POMGNT2: variants seen among roughly 807,000 people sequenced by gnomAD.
POMGNT2 encodes protein O-linked-mannose beta-1,4-N-acetylglucosaminyltransferase 2.
In POMGNT2, 32 loss-of-function variants were observed where a neutral mutation model predicts 37.8. The ratio of observed to expected loss-of-function variants is 0.85; its 90% CI spans 0.64 to 1.14. The LOEUF (loss-of-function observed/expected upper bound fraction) is 1.14, where lower values mean the gene tolerates loss of function less well. Among genes scored for constraint, POMGNT2 ranks in the 50% most tolerant of loss-of-function variants. The probability of loss-of-function intolerance (pLI) is 0.00; values close to 1 mark genes in which losing one functional copy is unlikely to be tolerated. For synonymous variants in POMGNT2, 340 were observed against 336.8 expected, an observed-to-expected ratio of 1.01 and a Z score of -0.10; for missense variants, 705 against 780.6, an observed-to-expected ratio of 0.90 and a Z score of 1.15.
intron 1 of POMGNT2, among the ~76,000 whole-genome samples, chr3:43,093,613 T>C (rs1324871586): frequency 1.3e-5 from 2 of 152,174 alleles, no homozygotes; most frequent in Non-Finnish European, 1.5e-5. Context: ...TGGGGATTTC[T>C]ACCAACTTTA....
chr3:43,091,240 A>G (rs2125707235), intron 1 of POMGNT2, among the ~76,000 whole-genome samples: 1 of 150,708 alleles, frequency 6.6e-6, no homozygotes, highest in South Asian at 2.1e-4. Context: ...AGCTTGGAAC[A>G]TTTTGTAGTG....
rs2089848677 is a variant in POMGNT2, at chr3:43,080,991, C to A, written c.441G>T (p.Val147=). The A allele has an allele frequency of 6.2e-7, 1 of 1,614,224 alleles. No homozygotes were observed. The highest frequency in any genetic ancestry group is 1.7e-5 in the Admixed American group (1 of 60,032). Residue 147 remains valine, a synonymous_variant, in exon 2 of 2, where the codon GTG becomes GTT. Transcript: ENST00000344697. Reference sequence around the variant, plus strand: ...CGATGAGGGCCACGTCTGGCACGAACACCGGCTTGGGCATGAAGCGCAGGG... The same window carrying A: ...CGATGAGGGCCACGTCTGGCACGAAAACCGGCTTGGGCATGAAGCGCAGGG... ...AAALRFMPKP[V]FVPDVALIAN...
At chr3:43,100,329 G>A (rs2090009089) in intron 1 of POMGNT2, among the ~76,000 whole-genome samples, 1 of 152,136 alleles carries the variant, frequency 6.6e-6, no homozygotes, top group Non-Finnish European at 1.5e-5. Flanking sequence ...ATTGTATTAG[G>A]TATTATAAAG....
At chr3:43,095,661 G>A (rs1160112326) in intron 1 of POMGNT2, among the ~76,000 whole-genome samples, 1 of 152,196 alleles carries the variant, frequency 6.6e-6, no homozygotes, top group African/African-American at 2.4e-5. Flanking sequence ...ACCGGAGGTT[G>A]AGGAGGTTGA....
At chr3:43,081,831 T>A (rs1329783588) in intron 1 of POMGNT2, among the ~76,000 whole-genome samples, 1 of 152,246 alleles carries the variant, frequency 6.6e-6, no homozygotes, top group East Asian at 1.9e-4. Flanking sequence ...ATCAAAGGTT[T>A]GGAAAGTGTT....
intron 1 of POMGNT2, among the ~76,000 whole-genome samples, chr3:43,091,181 C>T (rs1430157929): frequency 6.6e-6 from 1 of 151,954 alleles, no homozygotes; most frequent in Non-Finnish European, 1.5e-5. Context: ...ACCAGAGCTC[C>T]TTGGAGAAAT....
At chr3:43,093,295 G>T (rs1253435031) in intron 1 of POMGNT2, among the ~76,000 whole-genome samples, 3 of 152,230 alleles carry the variant, frequency 2.0e-5, no homozygotes, top group Non-Finnish European at 4.4e-5. Context: ...TGGCAACTAA[G>T]CAGAGACCAG....
At chr3:43,081,915 G>A (rs74786129) in intron 1 of POMGNT2, among the ~76,000 whole-genome samples, 2,698 of 152,308 alleles carry the variant, frequency 0.018, 71 homozygotes, top group African/African-American at 0.06. Flanking sequence ...GCCCCAAGAG[G>A]AGCGAGATAC....
chr3:43,080,674 G>A lies in POMGNT2; in HGVS notation c.758C>T (p.Pro253Leu), dbSNP rs374042455. The change falls in exon 2 of 2, where the codon CCG (proline) becomes CTG (leucine). Residue 253 changes from proline (P) to leucine (L), a missense_variant. Coordinates refer to ENST00000344697, the MANE Select transcript of POMGNT2 (RefSeq NM_032806.6). ...YQYGFVQPQG[P>L]KANILVSGNE... ...GCCTGAGACGAGGATGTTGGCCTTC[G>A]GGCCCTGGGGCTGCACAAAGCCATA... The A allele has an allele frequency of 1.2e-5, 20 of 1,614,176 alleles. No individual in the cohort carries two copies. The East Asian group carries it at 2.0e-4, about 16-fold the overall frequency.
At chr3:43,097,196 G>A (rs1318975816) in intron 1 of POMGNT2, among the ~76,000 whole-genome samples, 1 of 152,200 alleles carries the variant, frequency 6.6e-6, no homozygotes, top group African/African-American at 2.4e-5. Flanking sequence ...CAGAGTAGGA[G>A]GTGCACACTC....
rs748074599 is a variant in POMGNT2, at chr3:43,081,075, T to C, written c.357A>G (p.Leu119=). 25 of 1,613,996 alleles carry C rather than the reference T, an allele frequency of 1.5e-5. No homozygotes were observed. Among genetic ancestry groups the C allele is most frequent in the South Asian group, 1.5e-4 (14 of 91,084 alleles). Reference sequence around the variant, plus strand: ...GAGTGTTGTGGTCCTCCACGGTGGATAGGTCGAGCAGGGCTGGCTGGAAGC... The same window carrying C: ...GAGTGTTGTGGTCCTCCACGGTGGACAGGTCGAGCAGGGCTGGCTGGAAGC... The part of the protein sequence containing the change: ...SRRFQPALLD[L]STVEDHNTQY... Residue 119 remains leucine (L), a synonymous_variant, in exon 2 of 2, where the codon CTA becomes CTG. Transcript: ENST00000344697.
At position 43,080,380 on chromosome 3, in the gene POMGNT2, G is replaced by C; in HGVS notation, c.1052C>G (p.Thr351Ser). The change falls in exon 2 of 2, where the codon ACC becomes AGC. Residue 351 changes from threonine (T) to serine (S), a missense_variant. Transcript: ENST00000344697. ...TGCCCCACGGGGCAGGAAGAGGGTG[G>C]TGACCAGCTGGGCCCCATGCATGCT... ...LVSMHGAQLV[T>S]TLFLPRGATV... is the part of the protein sequence containing the mutation. 6.2e-7 allele frequency: 1 copy of C among 1,614,162 alleles called. No individual in the cohort carries two copies. The highest frequency in any genetic ancestry group is 8.5e-7 in the Non-Finnish European group (1 of 1,180,028).
chr3:43,088,272 C>A (rs1277288582), intron 1 of POMGNT2, among the ~76,000 whole-genome samples: 1 of 152,158 alleles, frequency 6.6e-6, no homozygotes, highest in Non-Finnish European at 1.5e-5. Context: ...TCATTTGAAA[C>A]AAAGGATTTT....
At chr3:43,095,045 C>T (rs2089970152) in intron 1 of POMGNT2, among the ~76,000 whole-genome samples, 1 of 152,222 alleles carries the variant, frequency 6.6e-6, no homozygotes. Flanking sequence ...CACAGCCTTG[C>T]TAAATCCTTC....
chr3:43,080,975 C>A lies in POMGNT2; in HGVS notation c.457G>T (p.Ala153Ser), dbSNP rs1171261001. The A allele has an allele frequency of 6.2e-7, 1 of 1,614,080 alleles. No individual in the cohort carries two copies. The highest frequency in any genetic ancestry group is 1.3e-5 in the African/African-American group (1 of 74,936). Residue 153 changes from alanine (A) to serine (S), a missense_variant, in exon 2 of 2, where the codon GCC becomes TCC. By Grantham distance (99) the Ala-to-Ser change is moderately conservative. Transcript: ENST00000344697. ...MPKPVFVPDV[A>S]LIANRFNPDN... ...GGGTTGAAGCGGTTGGCGATGAGGG[C>A]CACGTCTGGCACGAACACCGGCTTG...
chr3:43,079,573 G>T lies in POMGNT2; in HGVS notation c.*116C>A. On this transcript the variant is annotated 3_prime_UTR_variant, in exon 2 of 2. Coordinates refer to ENST00000344697, the MANE Select transcript of POMGNT2 (RefSeq NM_032806.6). ...CACCCCAGAGACAACAAGATGATGTGGAGGCACAGGCCTGCTCAATAAATA... is the reference window on the plus strand; with the variant it reads ...CACCCCAGAGACAACAAGATGATGTTGAGGCACAGGCCTGCTCAATAAATA... 1.1e-6 allele frequency: 1 copy of T among 887,018 alleles called. No individual in the cohort carries two copies. The highest frequency in any genetic ancestry group is 2.6e-5 in the East Asian group (1 of 38,314). The allele number at this position is 887,018 out of a possible 1,614,324, so 54.9% of individuals were successfully genotyped here.
At chr3:43,105,582 C>A in intron 1 of POMGNT2, among the ~76,000 whole-genome samples, 1 of 149,872 alleles carries the variant, frequency 6.7e-6, no homozygotes, top group Non-Finnish European at 1.5e-5. Context: ...CCCCCGACCC[C>A]CAATCCCCGG....
Position 43,097,469 on chromosome 3 carries a change from T to C in POMGNT2, c.-106+8367A>G, listed in dbSNP as rs1331504376. ...GCTTGTAGATGGCCTCTTCTCTGTGTGGTGGGGAGGGAGGAGAGGGGCAGG... is the reference window on the plus strand; with the variant it reads ...GCTTGTAGATGGCCTCTTCTCTGTGCGGTGGGGAGGGAGGAGAGGGGCAGG... On this transcript the variant is annotated intron_variant, in intron 1 of 1. Transcript: ENST00000344697. 2.7e-5 allele frequency among the ~76,000 whole-genome samples: 4 copies of C among 149,924 alleles called. No homozygotes were observed. In the South Asian group the frequency reaches 8.5e-4, roughly 32 times the overall value.
At chr3:43,097,823 A>G (rs1250349766) in intron 1 of POMGNT2, among the ~76,000 whole-genome samples, 3 of 152,230 alleles carry the variant, frequency 2.0e-5, no homozygotes, top group Non-Finnish European at 2.9e-5. Flanking sequence ...TTGAGTGAAG[A>G]CAACGTGCAC....
Sources: gnomAD v4.1 joint callset for allele counts (sites outside exome capture counted in the v4.1 genomes callset) on GRCh38, gnomAD v4.1.1 for gene constraint, MANE v1.5 for transcripts, NCBI Gene and HGNC (gene_info 2026-07-23, HGNC 2026-07-21) for gene names.